The following KCNB2 variants were observed in gnomAD, a reference collection of about 807,000 sequenced individuals.
The protein encoded by KCNB2 is delayed rectifier potassium channel protein.
In KCNB2, 15 loss-of-function variants were observed where a neutral mutation model predicts 61.5. That is an observed-to-expected ratio of 0.24 (90% CI 0.16 to 0.38). The LOEUF (loss-of-function observed/expected upper bound fraction) is 0.38, where lower values mean the gene tolerates loss of function less well. Ranked by LOEUF, KCNB2 falls within the 10% of genes least tolerant of loss-of-function variation. KCNB2 has a pLI of 1.00. For missense variants in KCNB2, 828 were observed against 1,125.2 expected, an observed-to-expected ratio of 0.74 and a Z score of 3.78; for synonymous variants, 457 against 446.0, an observed-to-expected ratio of 1.02 and a Z score of -0.31.
At chr8:72,839,939 C>CTGGGATACATGTGCAGAACGTGCAGGTT (rs1809851991) in intron 2 of KCNB2, among the ~76,000 whole-genome samples, 1 of 150,674 alleles carries the variant, frequency 6.6e-6, no homozygotes, top group Non-Finnish European at 1.5e-5. Context: ...ACTTTAAGTT[C>CTGGGATACATGTGCAGAACGTGCAGGTT]TGGGATACAT....
At chr8:72,636,309 T>C (rs1230274969) in intron 2 of KCNB2, among the ~76,000 whole-genome samples, 1 of 152,178 alleles carries the variant, frequency 6.6e-6, no homozygotes, top group Non-Finnish European at 1.5e-5. Context: ...AAGTCCTACT[T>C]ATTATAGCAA....
chr8:72,719,988 G>C (rs1807521693), intron 2 of KCNB2, among the ~76,000 whole-genome samples: 1 of 152,158 alleles, frequency 6.6e-6, no homozygotes. Flanking sequence ...TCATGATGGT[G>C]CTCCTTGATG....
At chr8:72,703,896 C>A (rs892856040) in intron 2 of KCNB2, among the ~76,000 whole-genome samples, 1 of 152,182 alleles carries the variant, frequency 6.6e-6, no homozygotes, top group East Asian at 1.9e-4. Flanking sequence ...AATCCTTCCA[C>A]GCATCATTCT....
intron 2 of KCNB2, among the ~76,000 whole-genome samples, chr8:72,591,792 G>A (rs1370476735): frequency 6.6e-6 from 1 of 151,868 alleles, no homozygotes; most frequent in Non-Finnish European, 1.5e-5. Context: ...ACGTAGCATG[G>A]GTCCTAGTAG....
chr8:72,792,467 C>T (rs1808961513), intron 2 of KCNB2, among the ~76,000 whole-genome samples: 1 of 152,110 alleles, frequency 6.6e-6, no homozygotes, highest in Non-Finnish European at 1.5e-5. Flanking sequence ...ATATTTTCTA[C>T]CTGTATTAAT....
chr8:72,672,129 G>A (rs551569880), intron 2 of KCNB2, among the ~76,000 whole-genome samples: 2 of 152,256 alleles, frequency 1.3e-5, no homozygotes, highest in South Asian at 4.1e-4. Flanking sequence ...TTCAAATGTA[G>A]TGGTTTCTTG....
intron 2 of KCNB2, among the ~76,000 whole-genome samples, chr8:72,822,056 G>T (rs1036255941): frequency 1.3e-4 from 20 of 152,152 alleles, no homozygotes; most frequent in Admixed American, 1.3e-3. Context: ...CTGCAAACCA[G>T]TGTAGGCTCA....
At chr8:72,934,055 G>A (rs1251621772) in intron 2 of KCNB2, among the ~76,000 whole-genome samples, 1 of 152,080 alleles carries the variant, frequency 6.6e-6, no homozygotes, top group Non-Finnish European at 1.5e-5. Context: ...GCAATTTAAG[G>A]AGGAAAGATG....
In KCNB2 at chr8:72,854,202, C is replaced by G. The variant is rs146228346; in HGVS notation, c.580-81733C>G. 2.6e-5 allele frequency among the ~76,000 whole-genome samples: 4 copies of G among 152,214 alleles called. No homozygotes were observed. The East Asian group carries it at 7.7e-4, about 29-fold the overall frequency. On this transcript the variant is annotated intron_variant, in intron 2 of 2. Coordinates refer to ENST00000523207, the MANE Select transcript of KCNB2 (RefSeq NM_004770.3). ...ATGGCATTCCCTAAACTGGATCTTG[C>G]TACCTTTTAAATATTATGCATTTTT... is the stretch of plus-strand genomic sequence containing the variant.
At chr8:72,849,604 T>G in intron 2 of KCNB2, among the ~76,000 whole-genome samples, 1 of 152,216 alleles carries the variant, frequency 6.6e-6, no homozygotes. Context: ...TAAACCAGCA[T>G]TCTTGCTTAC....
At chr8:72,910,153 T>A (rs974831956) in intron 2 of KCNB2, among the ~76,000 whole-genome samples, 3 of 152,228 alleles carry the variant, frequency 2.0e-5, no homozygotes, top group African/African-American at 7.2e-5. Context: ...TTTCTGAGCT[T>A]TAATTTCTTC....
At chr8:72,601,755 G>T (rs752128251) in intron 2 of KCNB2, among the ~76,000 whole-genome samples, 2 of 152,130 alleles carry the variant, frequency 1.3e-5, no homozygotes, top group Non-Finnish European at 2.9e-5. Context: ...TACTAATGTG[G>T]TTTCTTGACC....
intron 2 of KCNB2, among the ~76,000 whole-genome samples, chr8:72,600,067 A>G (rs1239996311): frequency 1.3e-5 from 2 of 152,344 alleles, no homozygotes; most frequent in Middle Eastern, 3.4e-3. Context: ...TAGAAATACC[A>G]TTTGACCCAG....
chr8:72,660,294 C>T (rs1014323949), intron 2 of KCNB2, among the ~76,000 whole-genome samples: 17 of 152,104 alleles, frequency 1.1e-4, no homozygotes, highest in Admixed American at 3.3e-4. Flanking sequence ...CATGGAGCCC[C>T]GGGAAGTGCT....
At chr8:72,748,666 T>C (rs1242495736) in intron 2 of KCNB2, among the ~76,000 whole-genome samples, 3 of 150,808 alleles carry the variant, frequency 2.0e-5, no homozygotes, top group African/African-American at 7.3e-5. Flanking sequence ...ATTATAATGG[T>C]TTATTCATTT....
intron 1 of KCNB2, among the ~76,000 whole-genome samples, chr8:72,557,422 A>G (rs1456771754): frequency 6.6e-6 from 1 of 152,024 alleles, no homozygotes; most frequent in African/African-American, 2.4e-5. Context: ...TTTATTTTTT[A>G]ATTGGTGAAA....
At chr8:72,588,567 T>C (rs1302459615) in intron 2 of KCNB2, among the ~76,000 whole-genome samples, 2 of 152,006 alleles carry the variant, frequency 1.3e-5, no homozygotes, top group East Asian at 3.9e-4. Context: ...CATCCCATTT[T>C]ACAGGTGAGG....
chr8:72,803,964 A>C (rs936331404), intron 2 of KCNB2, among the ~76,000 whole-genome samples: 1 of 152,198 alleles, frequency 6.6e-6, no homozygotes, highest in African/African-American at 2.4e-5. Context: ...GGGTAGCAGA[A>C]AGTGGTGTGT....
chr8:72,916,885 A>C (rs1806411615), intron 2 of KCNB2, among the ~76,000 whole-genome samples: 1 of 152,126 alleles, frequency 6.6e-6, no homozygotes, highest in African/African-American at 2.4e-5. Flanking sequence ...CTTAGTCTCC[A>C]ATGTCCAGCT....
Sources: allele counts gnomAD v4.1 joint callset (sites outside exome capture counted in the v4.1 genomes callset), GRCh38; gene constraint gnomAD v4.1.1; transcripts MANE v1.5; gene names NCBI Gene and HGNC (gene_info 2026-07-23, HGNC 2026-07-21).